The following EPHA6 variants were observed in gnomAD, a reference collection of about 807,000 sequenced individuals.
EPHA6 encodes the protein EPH receptor A6.
A neutral mutation model predicts 112.0 loss-of-function variants in EPHA6; 50 were observed. The ratio of observed to expected loss-of-function variants is 0.45; its 90% CI spans 0.36 to 0.56. EPHA6 has a LOEUF of 0.56. Ranked by LOEUF, EPHA6 falls within the 20% of genes least tolerant of loss-of-function variation. The probability of loss-of-function intolerance (pLI) is 0.00; values close to 1 mark genes in which losing one functional copy is unlikely to be tolerated. For missense variants in EPHA6, 1,280 were observed against 1,417.4 expected (o/e 0.90, Z 1.56); for synonymous variants, 529 against 490.7 (o/e 1.08, Z -1.03).
chr3:97,492,963 A>G (rs1466231480), intron 10 of EPHA6, among the ~76,000 whole-genome samples: 2 of 148,330 alleles, frequency 1.3e-5, no homozygotes, highest in South Asian at 2.1e-4. Flanking sequence ...TCTTCAAAAC[A>G]TAAGCTTTTC....
chr3:97,605,782 G>T (rs185795348), intron 12 of EPHA6, among the ~76,000 whole-genome samples: 1 of 151,562 alleles, frequency 6.6e-6, no homozygotes, highest in Non-Finnish European at 1.5e-5. Flanking sequence ...TGTGAAAAAT[G>T]AGGTTGGTAA....
intron 3 of EPHA6, among the ~76,000 whole-genome samples, chr3:97,188,624 TATATC>T (rs1224139819): frequency 6.6e-6 from 1 of 151,922 alleles, no homozygotes; most frequent in African/African-American, 2.4e-5. Flanking sequence ...GTGTGTCACA[TATATC>T]ATATGTTTGA....
intron 2 of EPHA6, among the ~76,000 whole-genome samples, chr3:96,953,654 G>T (rs183241604): frequency 4.5e-4 from 68 of 152,260 alleles, no homozygotes; most frequent in African/African-American, 1.5e-3. Context: ...AAATGGGCCA[G>T]TTCTACACAT....
chr3:97,024,738 A>G (rs977583904), intron 3 of EPHA6, among the ~76,000 whole-genome samples: 2 of 152,206 alleles, frequency 1.3e-5, no homozygotes, highest in African/African-American at 4.8e-5. Context: ...TCTTCCTGCA[A>G]AGAGTTAACA....
chr3:97,175,299 G>T (rs1349233456), intron 3 of EPHA6, among the ~76,000 whole-genome samples: 1 of 151,860 alleles, frequency 6.6e-6, no homozygotes, highest in East Asian at 1.9e-4. Context: ...GGTTACTATA[G>T]CTCTGTAGCA....
At chr3:97,441,871 C>G (rs942909515) in intron 6 of EPHA6, among the ~76,000 whole-genome samples, 1 of 151,956 alleles carries the variant, frequency 6.6e-6, no homozygotes, top group Non-Finnish European at 1.5e-5. Context: ...ACATTTCTAA[C>G]TAACAGAGAG....
chr3:96,941,300 T>C (rs566687456), intron 2 of EPHA6, among the ~76,000 whole-genome samples: 2 of 152,150 alleles, frequency 1.3e-5, no homozygotes, highest in Non-Finnish European at 2.9e-5. Flanking sequence ...GTTCGTTTCT[T>C]TTTATTCTTT....
intron 3 of EPHA6, among the ~76,000 whole-genome samples, chr3:97,012,171 C>A (rs2044109718): frequency 6.6e-6 from 1 of 151,852 alleles, no homozygotes; most frequent in Non-Finnish European, 1.5e-5. Flanking sequence ...ATATATGTAC[C>A]CAGTAATGGG....
intron 5 of EPHA6, among the ~76,000 whole-genome samples, chr3:97,330,451 C>T (rs1461097384): frequency 6.6e-6 from 1 of 152,114 alleles, no homozygotes; most frequent in Admixed American, 6.6e-5. Flanking sequence ...CACCCATGAG[C>T]ATGGAATGTT....
In EPHA6 at chr3:97,532,448, T is replaced by C. The variant is rs753172289; in HGVS notation, c.2291T>C (p.Met764Thr). Residue 764 changes from methionine to threonine, a missense_variant, in exon 11 of 18, where the codon ATG (methionine) becomes ACG (threonine). By Grantham distance (81) the Met-to-Thr change is moderately conservative. Around this residue, in one of 4 missense-constraint regions of EPHA6, gnomAD observed 878 missense variants for 999.7 expected, o/e 0.88. Transcript: ENST00000389672. ...VAIKTLKGGH[M>T]DRQRRDFLRE... ...ATTAAAACTTTGAAAGGTGGCCACATGGATCGGCAAAGAAGAGATTTTCTA... is the reference window on the plus strand; with the variant it reads ...ATTAAAACTTTGAAAGGTGGCCACACGGATCGGCAAAGAAGAGATTTTCTA... The C allele has an allele frequency of 3.3e-5, 53 of 1,612,502 alleles. No homozygotes were observed. Among genetic ancestry groups the C allele is most frequent in the Admixed American group, 1.8e-4 (11 of 59,842 alleles).
chr3:97,741,143 G>T (rs970769708), intron 16 of EPHA6, among the ~76,000 whole-genome samples: 1 of 151,978 alleles, frequency 6.6e-6, no homozygotes, highest in East Asian at 1.9e-4. Context: ...TTGAAGCCAG[G>T]AGTTCACCAG....
intron 13 of EPHA6, among the ~76,000 whole-genome samples, chr3:97,615,759 G>A (rs991717625): frequency 7.2e-5 from 11 of 152,030 alleles, no homozygotes; most frequent in Admixed American, 2.6e-4. Flanking sequence ...CTCACTGGTG[G>A]GGCATCCCAA....
chr3:97,518,759 C>G (rs1322196353), intron 10 of EPHA6, among the ~76,000 whole-genome samples: 1 of 152,032 alleles, frequency 6.6e-6, no homozygotes, highest in Non-Finnish European at 1.5e-5. Flanking sequence ...TTTCTGATAG[C>G]TGTTGGCCAT....
chr3:97,504,694 A>G (rs1008790122), intron 10 of EPHA6, among the ~76,000 whole-genome samples: 1 of 152,128 alleles, frequency 6.6e-6, no homozygotes, highest in Non-Finnish European at 1.5e-5. Flanking sequence ...GCCCGATGGT[A>G]TATTTTTCTT....
chr3:97,070,179 A>G (rs937493678), intron 3 of EPHA6, among the ~76,000 whole-genome samples: 1 of 152,094 alleles, frequency 6.6e-6, no homozygotes, highest in East Asian at 1.9e-4. Flanking sequence ...TTATCAACCA[A>G]TATTATCTTT....
chr3:97,380,805 C>T (rs747713697), intron 5 of EPHA6, among the ~76,000 whole-genome samples: 3 of 152,026 alleles, frequency 2.0e-5, no homozygotes, highest in Non-Finnish European at 2.9e-5. Flanking sequence ...CTTTTAATTT[C>T]CTTTTTAGAT....
chr3:97,008,853 G>T (rs1023353268), intron 3 of EPHA6, among the ~76,000 whole-genome samples: 1 of 151,952 alleles, frequency 6.6e-6, no homozygotes, highest in Admixed American at 6.6e-5. Context: ...CTTTCTGCTT[G>T]TTTGGTTTTC....
intron 5 of EPHA6, among the ~76,000 whole-genome samples, chr3:97,250,604 C>A (rs2079107845): frequency 6.6e-6 from 1 of 152,114 alleles, no homozygotes; most frequent in African/African-American, 2.4e-5. Context: ...AGATGTTTAA[C>A]TAAATTGAAA....
chr3:97,061,190 G>A (rs2046011003), intron 3 of EPHA6, among the ~76,000 whole-genome samples: 2 of 152,146 alleles, frequency 1.3e-5, no homozygotes, highest in Non-Finnish European at 2.9e-5. Flanking sequence ...TAGATTTTAT[G>A]AGAGGTGGAG....
Sources: allele counts gnomAD v4.1 joint callset (sites outside exome capture counted in the v4.1 genomes callset), GRCh38; gene constraint gnomAD v4.1.1; regional missense constraint gnomAD v4.1.1; transcripts MANE v1.5; gene names NCBI Gene and HGNC (gene_info 2026-07-23, HGNC 2026-07-21).